MAF: variants seen among roughly 807,000 people sequenced by gnomAD.
The protein encoded by MAF is transcription factor Maf.
A neutral mutation model predicts 22.0 loss-of-function variants in MAF; 10 were observed. The observed-to-expected ratio is 0.45, with a 90% CI of 0.28 to 0.77. The LOEUF is 0.77. Ranked by LOEUF, MAF falls within the 30% of genes least tolerant of loss-of-function variation. The pLI is 0.12. For missense variants in MAF, 544 were observed against 548.4 expected, an observed-to-expected ratio of 0.99 and a Z score of 0.08; for synonymous variants, 337 against 255.8, an observed-to-expected ratio of 1.32 and a Z score of -3.03.
At chr16:79,222,750 C>A in the MAF span, among the ~76,000 whole-genome samples, 1 of 152,036 alleles carries the variant, frequency 6.6e-6, no homozygotes, top group Non-Finnish European at 1.5e-5. Flanking sequence ...ACAGTTTAAA[C>A]CAACAAGATC....
At chr16:79,401,692 T>A in the MAF span, among the ~76,000 whole-genome samples, 1 of 152,086 alleles carries the variant, frequency 6.6e-6, no homozygotes, top group East Asian at 1.9e-4. Flanking sequence ...TAATAATCAA[T>A]GAAATTTTCG....
At chr16:79,364,548 A>G in the MAF span, among the ~76,000 whole-genome samples, 4 of 152,328 alleles carry the variant, frequency 2.6e-5, no homozygotes, top group South Asian at 8.3e-4. Flanking sequence ...ACAGGAAGTC[A>G]TGGACACACA....
the MAF span, among the ~76,000 whole-genome samples, chr16:79,218,458 C>T: frequency 6.6e-6 from 1 of 152,332 alleles, no homozygotes; most frequent in South Asian, 2.1e-4. Flanking sequence ...CTTTGTAGAG[C>T]GTAGAACTGG....
At chr16:79,215,772 C>G in the MAF span, among the ~76,000 whole-genome samples, 6 of 152,196 alleles carry the variant, frequency 3.9e-5, no homozygotes, top group Middle Eastern at 3.2e-3. Flanking sequence ...AAAGTAAACC[C>G]CTCCACAGCC....
chr16:79,534,615 G>A, the MAF span, among the ~76,000 whole-genome samples: 5 of 152,202 alleles, frequency 3.3e-5, no homozygotes, highest in Admixed American at 6.5e-5. Context: ...GAGGGATAGC[G>A]TTAGGAGAAA....
downstream of MAF, among the ~76,000 whole-genome samples, chr16:79,590,294 C>T (rs1312200444): frequency 6.6e-6 from 1 of 152,196 alleles, no homozygotes; most frequent in Non-Finnish European, 1.5e-5. Context: ...CTGCCTACAT[C>T]TCCTTCATTC....
the MAF span, among the ~76,000 whole-genome samples, chr16:79,294,833 C>G: frequency 6.6e-6 from 1 of 152,180 alleles, no homozygotes; most frequent in Admixed American, 6.5e-5. Flanking sequence ...CACAACCAAA[C>G]TACAACAGCA....
chr16:79,475,493 A>G, the MAF span, among the ~76,000 whole-genome samples: 1 of 152,068 alleles, frequency 6.6e-6, no homozygotes, highest in African/African-American at 2.4e-5. Flanking sequence ...ATATATTTTC[A>G]AATGTCTGTG....
chr16:79,315,808 C>A, the MAF span, among the ~76,000 whole-genome samples: 18 of 152,238 alleles, frequency 1.2e-4, no homozygotes, highest in Admixed American at 3.9e-4. Context: ...CCCGTCCTCT[C>A]CACTACATTC....
chr16:79,322,868 G>T, the MAF span, among the ~76,000 whole-genome samples: 1 of 151,884 alleles, frequency 6.6e-6, no homozygotes, highest in Non-Finnish European at 1.5e-5. Context: ...TAGGCAATTG[G>T]GGCCGGGTGC....
the MAF span, among the ~76,000 whole-genome samples, chr16:79,420,119 C>T: frequency 3.3e-5 from 5 of 152,072 alleles, no homozygotes; most frequent in South Asian, 2.1e-4. Flanking sequence ...TCCAATAACA[C>T]GCCTGTGGAT....
the MAF span, among the ~76,000 whole-genome samples, chr16:79,567,081 A>T: frequency 6.6e-6 from 1 of 152,338 alleles, no homozygotes; most frequent in Admixed American, 6.5e-5. Context: ...GCACTTTGGG[A>T]GGCTAAGGCA....
At chr16:79,423,455 T>C in the MAF span, among the ~76,000 whole-genome samples, 1 of 152,184 alleles carries the variant, frequency 6.6e-6, no homozygotes, top group South Asian at 2.1e-4. Flanking sequence ...ATGACTTGTG[T>C]GTTCCATCCA....
downstream of MAF, among the ~76,000 whole-genome samples, chr16:79,582,488 TA>T (rs1912581073): frequency 6.6e-6 from 1 of 152,214 alleles, no homozygotes; most frequent in African/African-American, 2.4e-5. Flanking sequence ...AATACAAGTT[TA>T]TATGGCATAA....
At chr16:79,529,904 T>C in the MAF span, among the ~76,000 whole-genome samples, 1 of 134,222 alleles carries the variant, frequency 7.5e-6, no homozygotes, top group South Asian at 2.4e-4. Context: ...GAGGTTGCAG[T>C]GATCCGAGAC....
the MAF span, among the ~76,000 whole-genome samples, chr16:79,267,939 C>CG: frequency 6.6e-6 from 1 of 151,566 alleles, no homozygotes; most frequent in East Asian, 1.9e-4. Context: ...GGGGTGTGGG[C>CG]GGGGGCACGC....
the MAF span, among the ~76,000 whole-genome samples, chr16:79,418,414 A>T: frequency 3.9e-5 from 6 of 152,048 alleles, no homozygotes; most frequent in African/African-American, 1.4e-4. Context: ...ACGATTATTC[A>T]CTCATTCTGT....
the MAF span, among the ~76,000 whole-genome samples, chr16:79,268,301 T>C: frequency 6.6e-6 from 1 of 152,072 alleles, no homozygotes; most frequent in African/African-American, 2.4e-5. Context: ...AGGGTTATGA[T>C]CATGGGCTTG....
chr16:79,397,391 A>G, the MAF span, among the ~76,000 whole-genome samples: 1 of 152,324 alleles, frequency 6.6e-6, no homozygotes, highest in Admixed American at 6.5e-5. Context: ...GCCTGTCAAA[A>G]TCAATGGTGT....
Sources: gnomAD v4.1 joint callset for allele counts (sites outside exome capture counted in the v4.1 genomes callset) on GRCh38, gnomAD v4.1.1 for gene constraint, MANE v1.5 for transcripts, NCBI Gene and HGNC (gene_info 2026-07-23, HGNC 2026-07-21) for gene names.